KIFAP3: variants seen among roughly 807,000 people sequenced by gnomAD.
KIFAP3 encodes the protein kinesin associated protein 3.
In KIFAP3, 68 loss-of-function variants were observed where a neutral mutation model predicts 106.5. That is an observed-to-expected ratio of 0.64 (90% CI 0.53 to 0.78). KIFAP3 has a LOEUF of 0.78. Among genes scored for constraint, KIFAP3 ranks in the 30% least tolerant of loss-of-function variants. The probability of loss-of-function intolerance (pLI) is 0.00; values close to 1 mark genes in which losing one functional copy is unlikely to be tolerated. For synonymous variants in KIFAP3, 320 were observed against 311.5 expected (o/e 1.03, Z -0.29); for missense variants, 780 against 941.8 (o/e 0.83, Z 2.25).
chr1:169,962,905 T>C (rs1297434946), intron 17 of KIFAP3, among the ~76,000 whole-genome samples: 2 of 152,204 alleles, frequency 1.3e-5, no homozygotes, highest in Non-Finnish European at 2.9e-5. Context: ...ATTTTTTGAC[T>C]ATAGTAATGC....
At chr1:170,005,287 A>G (rs555819217) in intron 10 of KIFAP3, among the ~76,000 whole-genome samples, 106 of 152,344 alleles carry the variant, frequency 7.0e-4, no homozygotes, top group South Asian at 1.7e-3. Flanking sequence ...ACCATTGTGG[A>G]AGACAGTCTG....
chr1:170,016,377 C>A, intron 10 of KIFAP3, 85 bp downstream of exon 10: 1 of 1,014,296 alleles, frequency 9.9e-7, no homozygotes, highest in South Asian at 1.5e-5. Context: ...GCTTTTTGTT[C>A]AGGAGGCTTT....
intron 19 of KIFAP3, among the ~76,000 whole-genome samples, chr1:169,950,582 T>C (rs1664678691): frequency 6.6e-6 from 1 of 152,076 alleles, no homozygotes; most frequent in Non-Finnish European, 1.5e-5. Flanking sequence ...TATGTAAAGA[T>C]CAATTCAGCT....
At chr1:169,981,824 T>G in intron 15 of KIFAP3, 148 bp downstream of exon 15, 1 of 634,264 alleles carries the variant, frequency 1.6e-6, no homozygotes, top group Non-Finnish European at 2.7e-6. Context: ...TAGCAGTATA[T>G]TTAATTCATT....
intron 19 of KIFAP3, among the ~76,000 whole-genome samples, chr1:169,936,302 T>G (rs1663796159): frequency 6.6e-6 from 1 of 151,710 alleles, no homozygotes; most frequent in African/African-American, 2.4e-5. Context: ...AAATCAACAT[T>G]TATATAAAGC....
chr1:169,989,662 G>C (rs1667004152), intron 11 of KIFAP3, among the ~76,000 whole-genome samples: 1 of 151,982 alleles, frequency 6.6e-6, no homozygotes, highest in African/African-American at 2.4e-5. Flanking sequence ...TGCCTTGCTA[G>C]ATAAGATATG....
chr1:169,974,180 A>C (rs1474688393), intron 16 of KIFAP3, among the ~76,000 whole-genome samples: 1 of 152,038 alleles, frequency 6.6e-6, no homozygotes, highest in Non-Finnish European at 1.5e-5. Context: ...AAGGGAGATA[A>C]TAAAGCAAAT....
At chr1:169,951,236 G>A (rs573499712) in intron 19 of KIFAP3, among the ~76,000 whole-genome samples, 1 of 152,002 alleles carries the variant, frequency 6.6e-6, no homozygotes, top group South Asian at 2.1e-4. Context: ...AAGTGATACA[G>A]TTAAATGTGA....
intron 10 of KIFAP3, among the ~76,000 whole-genome samples, chr1:170,000,943 C>A (rs546739539): frequency 1.3e-5 from 2 of 152,040 alleles, no homozygotes; most frequent in South Asian, 2.1e-4. Flanking sequence ...TTTTTTATGT[C>A]CAATTATTTA....
intron 15 of KIFAP3, 113 bp from the exon 16 acceptor site, chr1:169,978,296 C>T (rs2101902013): frequency 1.5e-6 from 1 of 646,410 alleles, no homozygotes. Flanking sequence ...AGGAGACAAG[C>T]AAGCAGAAAT....
At chr1:170,078,350 C>G (rs1006425478), upstream of KIFAP3, among the ~76,000 whole-genome samples, 2 of 151,960 alleles carry the variant, frequency 1.3e-5, no homozygotes, top group Non-Finnish European at 2.9e-5. Flanking sequence ...ATTTCTATAC[C>G]ATTTTTGAAT....
chr1:169,980,190 C>G (rs1045738837), intron 15 of KIFAP3, among the ~76,000 whole-genome samples: 1 of 152,090 alleles, frequency 6.6e-6, no homozygotes, highest in Admixed American at 6.6e-5. Context: ...GTGATAATAA[C>G]ATGGGTATGC....
chr1:170,065,166 C>T (rs1671371347), intron 1 of KIFAP3, among the ~76,000 whole-genome samples: 1 of 152,078 alleles, frequency 6.6e-6, no homozygotes, highest in Non-Finnish European at 1.5e-5. Context: ...TTCTTAAAGC[C>T]TATTTTATCT....
At chr1:170,038,219 A>T (rs1000440772) in intron 5 of KIFAP3, 71 bp downstream of exon 5, 17 of 1,172,558 alleles carry the variant, frequency 1.4e-5, no homozygotes. Context: ...AAATATATGA[A>T]GTCTTAAGTT....
At chr1:169,938,683 G>C (rs535541387) in intron 19 of KIFAP3, among the ~76,000 whole-genome samples, 48 of 152,206 alleles carry the variant, frequency 3.2e-4, no homozygotes, top group African/African-American at 1.2e-3. Context: ...CTGTATTCTT[G>C]TGGTAGGAGG....
intron 17 of KIFAP3, among the ~76,000 whole-genome samples, chr1:169,963,812 G>A (rs1032881025): frequency 4.0e-5 from 6 of 151,896 alleles, no homozygotes; most frequent in African/African-American, 1.5e-4. Context: ...TTTTCTAATA[G>A]TTATCTATTA....
chr1:170,002,133 C>G (rs1242683309), intron 10 of KIFAP3, among the ~76,000 whole-genome samples: 1 of 152,132 alleles, frequency 6.6e-6, no homozygotes, highest in Admixed American at 6.5e-5. Flanking sequence ...TCAGACTTGT[C>G]TAAACCGGAA....
intron 11 of KIFAP3, among the ~76,000 whole-genome samples, chr1:169,990,971 T>A (rs892222959): frequency 2.6e-5 from 4 of 152,104 alleles, no homozygotes; most frequent in Non-Finnish European, 4.4e-5. Context: ...GCAATATTTG[T>A]AACATAAAAT....
intron 10 of KIFAP3, among the ~76,000 whole-genome samples, chr1:170,006,618 G>C (rs547779416): frequency 6.6e-5 from 10 of 152,182 alleles, no homozygotes; most frequent in Non-Finnish European, 1.0e-4. Context: ...AGGAGGGAAA[G>C]AGAAGGGCTG....
Sources: gnomAD v4.1 joint callset for allele counts (sites outside exome capture counted in the v4.1 genomes callset) on GRCh38, gnomAD v4.1.1 for gene constraint, MANE v1.5 for transcripts, NCBI Gene and HGNC (gene_info 2026-07-23, HGNC 2026-07-21) for gene names.